Variants in SUPT3H observed in about 807,000 individuals in gnomAD.
The protein encoded by SUPT3H is transcription initiation protein SPT3 homolog.
Under a neutral mutation model 44.3 loss-of-function variants are expected in SUPT3H, and 44 were observed. That is an observed-to-expected ratio of 0.99 (90% confidence interval 0.78 to 1.28). The LOEUF (loss-of-function observed/expected upper bound fraction) is 1.28, where lower values mean the gene tolerates loss of function less well. Among genes scored for constraint, SUPT3H ranks in the 50% most tolerant of loss-of-function variants. The pLI is 0.00. For missense variants in SUPT3H, 380 were observed against 387.1 expected (o/e 0.98, Z 0.15); for synonymous variants, 124 against 125.6 (o/e 0.99, Z 0.09).
intron 10 of SUPT3H, among the ~76,000 whole-genome samples, chr6:44,882,235 C>T (rs1046640055): frequency 6.6e-6 from 1 of 152,086 alleles, no homozygotes; most frequent in Admixed American, 6.5e-5. Context: ...TACAAACTAC[C>T]ATCAGAGAAA....
chr6:45,280,061 CTT>C (rs1777711897), intron 2 of SUPT3H, among the ~76,000 whole-genome samples: 2 of 152,152 alleles, frequency 1.3e-5, no homozygotes, highest in Admixed American at 6.5e-5. Flanking sequence ...TATCTTGACT[CTT>C]TTAAATATAT....
intron 2 of SUPT3H, among the ~76,000 whole-genome samples, chr6:45,195,921 T>C (rs1163749752): frequency 6.6e-6 from 1 of 152,094 alleles, no homozygotes; most frequent in Non-Finnish European, 1.5e-5. Context: ...TTCTTATTTG[T>C]AAGATGGGAA....
chr6:45,060,945 AC>A (rs1449990679), intron 3 of SUPT3H, among the ~76,000 whole-genome samples: 1 of 152,166 alleles, frequency 6.6e-6, no homozygotes, highest in Non-Finnish European at 1.5e-5. Context: ...ATGTCAAGAA[AC>A]AAGATGCTGC....
chr6:45,292,583 G>C (rs1453905292), intron 2 of SUPT3H, among the ~76,000 whole-genome samples: 1 of 151,550 alleles, frequency 6.6e-6, no homozygotes, highest in Non-Finnish European at 1.5e-5. Flanking sequence ...GCCTTCAGGA[G>C]ACTCACCTAG....
intron 2 of SUPT3H, among the ~76,000 whole-genome samples, chr6:45,154,087 A>AAAAAACAAAAAAC (rs70996303): frequency 8.7e-6 from 1 of 114,596 alleles, no homozygotes; most frequent in African/African-American, 3.1e-5. Flanking sequence ...AAAAAAAAAA[A>AAAAAACAAAAAAC]AGCGCTTAGT....
chr6:45,041,834 A>G (rs1226435423), intron 3 of SUPT3H, among the ~76,000 whole-genome samples: 3 of 152,130 alleles, frequency 2.0e-5, no homozygotes, highest in Non-Finnish European at 4.4e-5. Context: ...CTGGGTTCCA[A>G]TGTCCTCATT....
chr6:45,145,184 G>A (rs1583817798), intron 2 of SUPT3H, among the ~76,000 whole-genome samples: 2 of 151,770 alleles, frequency 1.3e-5, no homozygotes, highest in African/African-American at 2.4e-5. Flanking sequence ...ATTCATAGGG[G>A]ACCAATAAAG....
chr6:45,251,275 T>G (rs1017930601), intron 2 of SUPT3H: 8 of 152,224 alleles, frequency 5.3e-5, no homozygotes, highest in Non-Finnish European at 1.2e-4. Context: ...ATCATTATTC[T>G]CGGCTTTAGA....
intron 2 of SUPT3H, among the ~76,000 whole-genome samples, chr6:45,324,941 T>C (rs1246024075): frequency 6.6e-6 from 1 of 151,834 alleles, no homozygotes; most frequent in Admixed American, 6.6e-5. Flanking sequence ...TCACCATAAT[T>C]TAACAGATGA....
chr6:45,167,163 T>G lies in SUPT3H; in HGVS notation c.102-61157A>C, dbSNP rs533654261. Among the ~76,000 whole-genome samples, 449 of 152,328 alleles carry G rather than the reference T, an allele frequency of 2.9e-3. 2 individuals are homozygous for G. The highest frequency in any genetic ancestry group is 0.01 in the African/African-American group (436 of 41,570). ...CCTGGGTAGGATTCCTCAAATGGGC[T>G]AAGGGCTTAATGGACAGAAGTGTAG... is the stretch of plus-strand genomic sequence containing the variant. On this transcript the variant is annotated intron_variant, in intron 2 of 10. Coordinates refer to ENST00000371459, the MANE Select transcript of SUPT3H (RefSeq NM_003599.4).
At chr6:44,877,422 T>C (rs1777492737) in intron 10 of SUPT3H, among the ~76,000 whole-genome samples, 1 of 143,094 alleles carries the variant, frequency 7.0e-6, no homozygotes, top group Non-Finnish European at 1.5e-5. Context: ...TGAGCTGCGA[T>C]AGTGCCACTG....
intron 2 of SUPT3H, among the ~76,000 whole-genome samples, chr6:45,355,807 C>T (rs1046838272): frequency 6.6e-6 from 1 of 151,942 alleles, no homozygotes; most frequent in African/African-American, 2.4e-5. Flanking sequence ...GGTTGTATTC[C>T]AAGTCTGAAT....
chr6:45,322,059 C>T (rs1477723142), intron 2 of SUPT3H, among the ~76,000 whole-genome samples: 1 of 151,788 alleles, frequency 6.6e-6, no homozygotes, highest in Non-Finnish European at 1.5e-5. Context: ...AATAATTATC[C>T]AATGCAGCAT....
rs571861976 is a variant in SUPT3H, at chr6:44,942,148, T to C, written c.802-9385A>G. 7.9e-5 allele frequency among the ~76,000 whole-genome samples: 12 copies of C among 152,284 alleles called. No individual in the cohort carries two copies. The East Asian group carries it at 2.1e-3, about 27-fold the overall frequency. ...AAATTAATTTATGTATACATATCAC[T>C]AGGTTAATTACAACTCCTTCTCACA... On this transcript the variant is annotated intron_variant, in intron 9 of 10. Transcript: ENST00000371459.
At chr6:44,913,892 G>A (rs867598509) in intron 10 of SUPT3H, among the ~76,000 whole-genome samples, 8 of 152,262 alleles carry the variant, frequency 5.3e-5, no homozygotes, top group Middle Eastern at 3.4e-3. Context: ...ATAGTTTCAT[G>A]TGTAACTTGT....
intron 2 of SUPT3H, among the ~76,000 whole-genome samples, chr6:45,187,085 G>A (rs1288382268): frequency 3.1e-5 from 4 of 127,778 alleles, no homozygotes; most frequent in African/African-American, 8.7e-5. Flanking sequence ...GCAACATGGT[G>A]ATACTTTTTC....
chr6:45,172,691 A>T (rs923061201), intron 2 of SUPT3H, among the ~76,000 whole-genome samples: 1 of 151,514 alleles, frequency 6.6e-6, no homozygotes, highest in African/African-American at 2.4e-5. Flanking sequence ...TCCCAGGTTC[A>T]AGTGATTCTC....
intron 10 of SUPT3H, among the ~76,000 whole-genome samples, chr6:44,878,581 C>T (rs34973168): frequency 0.014 from 2,068 of 152,102 alleles, 35 homozygotes; most frequent in Middle Eastern, 0.041. Context: ...GGAACACTTA[C>T]GCATTGCTCG....
At chr6:45,238,164 A>G (rs1338336901) in intron 2 of SUPT3H, among the ~76,000 whole-genome samples, 3 of 152,196 alleles carry the variant, frequency 2.0e-5, no homozygotes, top group Non-Finnish European at 4.4e-5. Flanking sequence ...ATTATTCAGT[A>G]TATGGATGAT....
Sources: allele counts gnomAD v4.1 joint callset (sites outside exome capture counted in the v4.1 genomes callset), GRCh38; gene constraint gnomAD v4.1.1; transcripts MANE v1.5; gene names NCBI Gene and HGNC (gene_info 2026-07-23, HGNC 2026-07-21).